The following SETBP1 variants were observed in gnomAD, a reference collection of about 807,000 sequenced individuals.
SETBP1 encodes the protein SET-binding protein.
SETBP1 carries 9 observed loss-of-function variants against 101.0 expected under a neutral mutation model. That is an observed-to-expected ratio of 0.09 (90% CI 0.05 to 0.16). The LOEUF (loss-of-function observed/expected upper bound fraction) is 0.16, where lower values mean the gene tolerates loss of function less well. SETBP1 is among the 10% of genes least tolerant of loss of function. The pLI, the probability that SETBP1 is intolerant of heterozygous loss-of-function variation, is 1.00. For missense variants in SETBP1, 1,858 were observed against 2,033.8 expected, an observed-to-expected ratio of 0.91 and a Z score of 1.66; for synonymous variants, 818 against 788.5, an observed-to-expected ratio of 1.04 and a Z score of -0.63.
intron 2 of SETBP1, among the ~76,000 whole-genome samples, chr18:44,762,290 G>A (rs1048027302): frequency 2.0e-5 from 3 of 152,194 alleles, no homozygotes; most frequent in Non-Finnish European, 4.4e-5. Context: ...CTTGACAGCA[G>A]CCTGTTCTTG....
At chr18:44,965,974 C>T (rs796581801) in intron 4 of SETBP1, among the ~76,000 whole-genome samples, 9 of 152,302 alleles carry the variant, frequency 5.9e-5, no homozygotes, top group African/African-American at 2.2e-4. Flanking sequence ...AGCAGTGACT[C>T]TGTGCTTCAT....
chr18:44,783,356 A>G (rs1329586044), intron 2 of SETBP1, among the ~76,000 whole-genome samples: 2 of 152,202 alleles, frequency 1.3e-5, no homozygotes, highest in Non-Finnish European at 2.9e-5. Context: ...AGGTATTTCC[A>G]TTATAATCTG....
rs76752357 is a variant in SETBP1, at chr18:44,729,766, A to C, written c.486+27934A>C. ...TAGAGCTGTGGAGAGATCTTTGGAGATTACAAGCATTTAAAAGATAAGCAG... is the reference window on the plus strand; with the variant it reads ...TAGAGCTGTGGAGAGATCTTTGGAGCTTACAAGCATTTAAAAGATAAGCAG... On this transcript the variant is annotated intron_variant, in intron 2 of 5. Transcript: ENST00000649279. 3.8e-3 allele frequency among the ~76,000 whole-genome samples: 584 copies of C among 152,262 alleles called. 4 individuals carry two copies. Among genetic ancestry groups the C allele is most frequent in the African/African-American group, 0.014 (577 of 41,558 alleles).
chr18:45,025,689 C>T (rs1382223029), intron 4 of SETBP1, among the ~76,000 whole-genome samples: 1 of 152,180 alleles, frequency 6.6e-6, no homozygotes, highest in Non-Finnish European at 1.5e-5. Flanking sequence ...GCAACTTTCT[C>T]ATCTCAAAAG....
intron 4 of SETBP1, among the ~76,000 whole-genome samples, chr18:45,035,123 C>T (rs924959590): frequency 4.6e-5 from 7 of 152,162 alleles, no homozygotes; most frequent in African/African-American, 1.7e-4. Flanking sequence ...ACCCCATCAC[C>T]GTCTCCTGAC....
chr18:44,710,698 C>T (rs2069319719), intron 2 of SETBP1, among the ~76,000 whole-genome samples: 1 of 152,154 alleles, frequency 6.6e-6, no homozygotes, highest in Non-Finnish European at 1.5e-5. Flanking sequence ...GATCTGCCCA[C>T]CTCAGCCTCC....
intron 3 of SETBP1, among the ~76,000 whole-genome samples, chr18:44,894,259 G>T (rs72909587): frequency 8.9e-4 from 135 of 152,206 alleles, no homozygotes; most frequent in Non-Finnish European, 1.5e-3. Context: ...GTGAATCTTG[G>T]CAAAATGACT....
chr18:44,849,543 G>A (rs576472030), intron 2 of SETBP1, among the ~76,000 whole-genome samples: 8 of 152,310 alleles, frequency 5.3e-5, no homozygotes, highest in Non-Finnish European at 8.8e-5. Flanking sequence ...CAAGCGGTGA[G>A]GTGGGTGCGG....
intron 3 of SETBP1, among the ~76,000 whole-genome samples, chr18:44,895,737 T>A (rs1003445956): frequency 1.3e-5 from 2 of 152,172 alleles, no homozygotes; most frequent in Non-Finnish European, 2.9e-5. Flanking sequence ...GGATGACTTA[T>A]TAACTTAACA....
rs1370458572 is a variant in SETBP1, at chr18:44,952,810, A to G, written c.3470A>G (p.Lys1157Arg). Residue 1157 changes from lysine (K) to arginine (R), a missense_variant, in exon 4 of 6, where the codon AAG becomes AGG. Lys to Arg is a conservative substitution (Grantham distance 26). Around this residue, in one of 12 missense-constraint regions of SETBP1, gnomAD observed 417 missense variants for 389.1 expected, o/e 1.07. Coordinates refer to ENST00000649279, the MANE Select transcript of SETBP1 (RefSeq NM_015559.3). ...AAGAGGAAACACAAACACAAGCATA[A>G]GCACAAGGAAGACCGGATCCTAGGG... ...LHKRKHKHKH[K>R]HKEDRILGTH... is the part of the protein sequence containing the mutation. The G allele has an allele frequency of 6.2e-7, 1 of 1,614,118 alleles. No homozygotes were observed. The highest frequency in any genetic ancestry group is 1.7e-5 in the Admixed American group (1 of 60,016).
At chr18:44,718,433 A>G (rs2069513366) in intron 2 of SETBP1, among the ~76,000 whole-genome samples, 1 of 152,096 alleles carries the variant, frequency 6.6e-6, no homozygotes, top group Non-Finnish European at 1.5e-5. Context: ...TTGATTTCAG[A>G]ACAGTGGGCT....
chr18:44,768,869 G>A (rs980285266), intron 2 of SETBP1, among the ~76,000 whole-genome samples: 11 of 152,322 alleles, frequency 7.2e-5, no homozygotes, highest in African/African-American at 1.4e-4. Flanking sequence ...GTTGTTTTCC[G>A]TATACCCACA....
rs2073931472 is a variant in SETBP1 at position 45,063,760 on chromosome 18, CG to C, written c.*66del. On this transcript the variant is annotated 3_prime_UTR_variant, in exon 6 of 6. Coordinates refer to ENST00000649279, the MANE Select transcript of SETBP1 (RefSeq NM_015559.3). The stretch of plus-strand genomic sequence containing the variant: ...CTGACACGTGGGAAGCGCAGTGAGC[CG>C]GGGCGGGGGCGGAATCCCCCGCTGC... The C allele has an allele frequency of 1.9e-6, 3 of 1,543,498 alleles. No homozygotes were observed. The highest frequency in any genetic ancestry group is 2.4e-5 in the South Asian group (2 of 83,972).
intron 2 of SETBP1, among the ~76,000 whole-genome samples, chr18:44,733,548 G>C (rs1003696430): frequency 6.6e-6 from 1 of 152,154 alleles, no homozygotes; most frequent in African/African-American, 2.4e-5. Flanking sequence ...AAGTCCACAT[G>C]ACTCATGAGA....
At chr18:44,834,079 G>T (rs1489725418) in intron 2 of SETBP1, among the ~76,000 whole-genome samples, 2 of 152,154 alleles carry the variant, frequency 1.3e-5, no homozygotes, top group African/African-American at 2.4e-5. Flanking sequence ...ACATAGGACT[G>T]GACTTCAGGA....
chr18:44,955,173 C>A (rs2071455236), intron 4 of SETBP1, among the ~76,000 whole-genome samples: 1 of 152,204 alleles, frequency 6.6e-6, no homozygotes, highest in Admixed American at 6.5e-5. Flanking sequence ...TAAAATTTCC[C>A]AGCTGGGGTT....
At chr18:44,816,077 T>C (rs990924976) in intron 2 of SETBP1, among the ~76,000 whole-genome samples, 5 of 151,898 alleles carry the variant, frequency 3.3e-5, no homozygotes, top group African/African-American at 1.2e-4. Context: ...CCAGGGACAA[T>C]AGATGAAAGA....
intron 4 of SETBP1, among the ~76,000 whole-genome samples, chr18:45,032,293 A>G (rs1003555059): frequency 1.3e-5 from 2 of 152,104 alleles, no homozygotes; most frequent in South Asian, 2.1e-4. Context: ...TGTTTGGTTT[A>G]TCAATTTTAT....
chr18:44,748,414 G>A (rs1473382991), intron 2 of SETBP1, among the ~76,000 whole-genome samples: 1 of 152,256 alleles, frequency 6.6e-6, no homozygotes, highest in Non-Finnish European at 1.5e-5. Context: ...TTCCAGAGGA[G>A]GAAGAGGAGA....
Sources: gnomAD v4.1 joint callset for allele counts (sites outside exome capture counted in the v4.1 genomes callset) on GRCh38, gnomAD v4.1.1 for gene constraint, gnomAD v4.1.1 regional missense constraint, MANE v1.5 for transcripts, NCBI Gene and HGNC (gene_info 2026-07-23, HGNC 2026-07-21) for gene names.